Variants in CCNB2 observed in about 807,000 individuals in gnomAD.
CCNB2 encodes cyclin B2, also known as G2/mitotic-specific cyclin-B2.
In CCNB2, 39 loss-of-function variants were observed where a neutral mutation model predicts 51.1. The observed-to-expected ratio is 0.76, with a 90% CI of 0.59 to 1.00. The LOEUF (loss-of-function observed/expected upper bound fraction) is 1.00. CCNB2 is among the 50% of genes least tolerant of loss of function. The pLI, the probability that CCNB2 is intolerant of heterozygous loss-of-function variation, is 0.00. For synonymous variants in CCNB2, 174 were observed against 165.5 expected (o/e 1.05, Z -0.40); for missense variants, 472 against 470.3 (o/e 1.00, Z -0.03).
chr15:59,117,207 T>A, intron 6 of CCNB2, 21 bp from the exon 7 acceptor site: 4 of 1,608,532 alleles, frequency 2.5e-6, no homozygotes, highest in Middle Eastern at 2.2e-4. Context: ...ATTCTTACTA[T>A]CCCTTGCTGT....
chr15:59,122,486 A>G (rs531374675), intron 7 of CCNB2, among the ~76,000 whole-genome samples: 2 of 150,538 alleles, frequency 1.3e-5, no homozygotes, highest in Admixed American at 6.6e-5. Context: ...CGGCCTCCCA[A>G]AGTGTTGGGA....
chr15:59,116,472 G>A (rs1346251323), intron 5 of CCNB2, among the ~76,000 whole-genome samples: 3 of 141,302 alleles, frequency 2.1e-5, no homozygotes, highest in African/African-American at 5.2e-5. Context: ...ATGAGGATTG[G>A]GTGAGATAAT....
chr15:59,123,661 C>A, intron 8 of CCNB2, 34 bp downstream of exon 8: 8 of 1,162,196 alleles, frequency 6.9e-6, no homozygotes, highest in Non-Finnish European at 9.9e-6. Flanking sequence ...CTGTGGAAAG[C>A]TTTAGGTTCT....
intron 3 of CCNB2, among the ~76,000 whole-genome samples, chr15:59,111,839 C>A (rs1465370634): frequency 2.7e-5 from 4 of 147,494 alleles, no homozygotes. Context: ...CTATTCTATT[C>A]TTTTCTTTCT....
At chr15:59,122,414 G>A (rs1188492423) in intron 7 of CCNB2, among the ~76,000 whole-genome samples, 1 of 151,504 alleles carries the variant, frequency 6.6e-6, no homozygotes, top group Non-Finnish European at 1.5e-5. Context: ...TAGTAGAGAT[G>A]GGGTTTCACC....
At chr15:59,112,604 C>G (rs2079261991) in intron 3 of CCNB2, among the ~76,000 whole-genome samples, 1 of 152,118 alleles carries the variant, frequency 6.6e-6, no homozygotes, top group African/African-American at 2.4e-5. Context: ...CTTGGCCTCC[C>G]AAAGTGCTGG....
intron 3 of CCNB2, among the ~76,000 whole-genome samples, chr15:59,112,437 C>A (rs777601519): frequency 4.6e-5 from 7 of 151,678 alleles, no homozygotes; most frequent in Non-Finnish European, 1.0e-4. Context: ...CTCTGCCTCC[C>A]AGGTTCAAAC....
intron 7 of CCNB2, among the ~76,000 whole-genome samples, chr15:59,122,917 T>G (rs980306699): frequency 2.6e-5 from 4 of 152,262 alleles, no homozygotes; most frequent in Admixed American, 2.0e-4. Context: ...TTTGGGAGGC[T>G]AGGTCACAAG....
At chr15:59,121,335 G>A (rs989253619) in intron 7 of CCNB2, 7 of 152,082 alleles carry the variant, frequency 4.6e-5, no homozygotes, top group Middle Eastern at 3.2e-3. Context: ...AACATTTGAG[G>A]CAAAAATGTC....
intron 3 of CCNB2, among the ~76,000 whole-genome samples, chr15:59,109,711 G>A (rs2079250331): frequency 2.0e-5 from 3 of 152,228 alleles, no homozygotes; most frequent in Admixed American, 2.0e-4. Context: ...CTTTGGCCGG[G>A]TGCAGTGGCT....
chr15:59,106,906 A>T (rs1217304098), intron 1 of CCNB2, among the ~76,000 whole-genome samples: 1 of 152,128 alleles, frequency 6.6e-6, no homozygotes, highest in African/African-American at 2.4e-5. Flanking sequence ...TAGCTTTATT[A>T]TTTTTCATCT....
intron 7 of CCNB2, among the ~76,000 whole-genome samples, chr15:59,118,417 C>A (rs1434688408): frequency 6.6e-6 from 1 of 152,112 alleles, no homozygotes; most frequent in African/African-American, 2.4e-5. Context: ...TGGCCGGGTG[C>A]CATGCCAGTA....
chr15:59,111,098 T>G (rs2079255662), intron 3 of CCNB2, among the ~76,000 whole-genome samples: 1 of 152,264 alleles, frequency 6.6e-6, no homozygotes, highest in Non-Finnish European at 1.5e-5. Context: ...AGAAAGGGTC[T>G]TACAATAATT....
chr15:59,117,749 G>A (rs1338204981), intron 7 of CCNB2, among the ~76,000 whole-genome samples: 2 of 152,170 alleles, frequency 1.3e-5, no homozygotes, highest in African/African-American at 4.8e-5. Flanking sequence ...GATTTCAGGT[G>A]TGAGCCACAG....
At chr15:59,123,919 T>C (rs1566958589) in intron 8 of CCNB2, 1 of 279,644 alleles carries the variant, frequency 3.6e-6, no homozygotes, top group Non-Finnish European at 7.0e-6. Flanking sequence ...TCTGTGCTTA[T>C]ACTAGCATCC....
chr15:59,124,962 G>T lies in CCNB2; in HGVS notation c.*85G>T. On this transcript the variant is annotated 3_prime_UTR_variant, in exon 9 of 9. Coordinates refer to ENST00000288207, the MANE Select transcript of CCNB2 (RefSeq NM_004701.4). ...CTCTTGATTTTGTACATAGTCCTCT[G>T]GTCTATCTCATGAAACCTCTTCTCA... 1.4e-6 allele frequency: 1 copy of T among 728,308 alleles called. No homozygotes were observed. Among genetic ancestry groups the T allele is most frequent in the Non-Finnish European group, 2.2e-6 (1 of 461,244 alleles). 45.1% of individuals were successfully genotyped at this position (728,308 alleles called of 1,614,324 possible).
intron 3 of CCNB2, among the ~76,000 whole-genome samples, chr15:59,112,678 A>G (rs1387561560): frequency 6.6e-6 from 1 of 151,928 alleles, no homozygotes; most frequent in Non-Finnish European, 1.5e-5. Context: ...TTATTACCTT[A>G]ATATATATTT....
chr15:59,122,874 A>G (rs1298025000), intron 7 of CCNB2, among the ~76,000 whole-genome samples: 2 of 152,218 alleles, frequency 1.3e-5, no homozygotes, highest in Non-Finnish European at 2.9e-5. Flanking sequence ...CTTATTATCA[A>G]TTGACAGCTG....
At chr15:59,105,703 G>T (rs1212198172) in intron 1 of CCNB2, among the ~76,000 whole-genome samples, 1 of 152,332 alleles carries the variant, frequency 6.6e-6, no homozygotes, top group East Asian at 1.9e-4. Flanking sequence ...CTGTGATGGC[G>T]GCTGGGAGGA....
Sources: allele counts gnomAD v4.1 joint callset (sites outside exome capture counted in the v4.1 genomes callset), GRCh38; gene constraint gnomAD v4.1.1; transcripts MANE v1.5; gene names NCBI Gene and HGNC (gene_info 2026-07-23, HGNC 2026-07-21).